The following ASB7 variants were observed in gnomAD, a reference collection of about 807,000 sequenced individuals.
The protein encoded by ASB7 is ankyrin repeat and SOCS box protein 7.
ASB7 carries 4 observed loss-of-function variants against 32.5 expected under a neutral mutation model. That is an observed-to-expected ratio of 0.12 (90% CI 0.06 to 0.28). The LOEUF (loss-of-function observed/expected upper bound fraction) is 0.28. Ranked by LOEUF, ASB7 falls within the 10% of genes least tolerant of loss-of-function variation. ASB7 has a pLI of 1.00. For missense variants in ASB7, 181 were observed against 407.1 expected, an observed-to-expected ratio of 0.44 and a Z score of 4.78; for synonymous variants, 172 against 155.6, an observed-to-expected ratio of 1.11 and a Z score of -0.78.
At chr15:100,624,916 T>G (rs2039824816) in intron 4 of ASB7, among the ~76,000 whole-genome samples, 1 of 152,202 alleles carries the variant, frequency 6.6e-6, no homozygotes, top group South Asian at 2.1e-4. Flanking sequence ...AAAAAAATAT[T>G]ATGCCCAAGT....
chr15:100,647,741 C>T (rs1216924106), intron 5 of ASB7, among the ~76,000 whole-genome samples: 1 of 152,150 alleles, frequency 6.6e-6, no homozygotes, highest in Admixed American at 6.5e-5. Context: ...TGTTCAGAAT[C>T]ACGGAAAACA....
intron 4 of ASB7, among the ~76,000 whole-genome samples, chr15:100,618,203 G>A (rs188853817): frequency 2.0e-3 from 297 of 152,080 alleles, no homozygotes; most frequent in African/African-American, 6.8e-3. Flanking sequence ...TGCAACCTCC[G>A]CCTCCCAGGT....
intron 4 of ASB7, among the ~76,000 whole-genome samples, chr15:100,626,283 T>C (rs2039836179): frequency 6.6e-6 from 1 of 152,146 alleles, no homozygotes; most frequent in South Asian, 2.1e-4. Context: ...GTACAACTCA[T>C]TAATGAGGAG....
intron 4 of ASB7, among the ~76,000 whole-genome samples, chr15:100,626,967 T>C (rs2039844539): frequency 6.6e-6 from 1 of 152,134 alleles, no homozygotes; most frequent in Non-Finnish European, 1.5e-5. Context: ...GAAGGAACTT[T>C]TTGAGATGAT....
intron 5 of ASB7, chr15:100,646,499 A>G (rs1487487286): frequency 4.3e-6 from 2 of 465,600 alleles, no homozygotes; most frequent in Non-Finnish European, 8.8e-6. Flanking sequence ...AGGAAATCAA[A>G]CTCCACATAT....
intron 5 of ASB7, 147 bp downstream of exon 5, chr15:100,630,189 A>G (rs1251502538): frequency 2.4e-6 from 3 of 1,245,728 alleles, no homozygotes; most frequent in African/African-American, 3.1e-5. Context: ...CTTCTGAAAT[A>G]AAAAAAAAAC....
At position 100,612,580 on chromosome 15, in the gene ASB7, C is replaced by G. The variant is rs77833134; in HGVS notation, c.211+153C>G. The G allele has an allele frequency of 3.1e-3, 2,337 of 749,712 alleles. 51 individuals are homozygous for G. In the African/African-American group the frequency reaches 0.037, roughly 12 times the overall value. The allele number at this position is 749,712 out of a possible 1,614,324, so 46.4% of individuals were successfully genotyped here. On this transcript the variant is annotated intron_variant, in intron 4 of 5. Transcript: ENST00000332783. ...TTGTGAAGATTTGCTATAAGTGTGC[C>G]TTTTTGTTTAAAACCAGATTGTTTA...
intron 4 of ASB7, among the ~76,000 whole-genome samples, chr15:100,628,145 C>T (rs1215175676): frequency 1.3e-5 from 2 of 152,184 alleles, no homozygotes; most frequent in Admixed American, 6.5e-5. Context: ...CCATTGTGTA[C>T]TGACACTTTA....
In ASB7 at chr15:100,630,055, A is replaced by ATT; in HGVS notation, c.817+14_817+15dup. ...CAAGAAGTCACAAGTATGTAATATA[A>ATT]TTATTACTTTATTGCATTTTTTAAA... On this transcript the variant is annotated intron_variant, in intron 5 of 5. Coordinates refer to ENST00000332783, the MANE Select transcript of ASB7 (RefSeq NM_198243.3). 1 of 1,545,880 alleles carries ATT rather than the reference A, an allele frequency of 6.5e-7. No individual in the cohort carries two copies. The highest frequency in any genetic ancestry group is 8.7e-7 in the Non-Finnish European group (1 of 1,147,708).
intron 4 of ASB7, among the ~76,000 whole-genome samples, chr15:100,615,961 G>A (rs1450624725): frequency 2.0e-5 from 3 of 152,226 alleles, no homozygotes; most frequent in African/African-American, 7.2e-5. Context: ...GTTACATTAT[G>A]TGAGAGTTTA....
rs149517755 is a variant in ASB7, at chr15:100,648,408, A to G, written c.903A>G (p.Leu301=). Reference sequence around the variant, plus strand: ...AAAACCTAAAGCTACTTGATGAACTACCAATTGCCAAGGTCATGAAAGACT... The same window carrying G: ...AAAACCTAAAGCTACTTGATGAACTGCCAATTGCCAAGGTCATGAAAGACT... ...GLQNLKLLDE[L]PIAKVMKDYL... Residue 301 remains leucine, a synonymous_variant, in exon 6 of 6, where the codon CTA becomes CTG. Transcript: ENST00000332783. The G allele has an allele frequency of 1.9e-6, 3 of 1,609,802 alleles. No homozygotes were observed. Among genetic ancestry groups the G allele is most frequent in the East Asian group, 2.2e-5 (1 of 44,868 alleles).
At chr15:100,615,078 G>A (rs1174538163) in intron 4 of ASB7, among the ~76,000 whole-genome samples, 1 of 152,184 alleles carries the variant, frequency 6.6e-6, no homozygotes, top group Non-Finnish European at 1.5e-5. Context: ...GTAACATGCT[G>A]TACAGGCTTG....
rs147972996 is a variant in ASB7 at position 100,651,317 on chromosome 15, T to A, written c.*2855T>A. ...CTACACAGTAATCCATGCCTGTTAG[T>A]TTGGAGGACTTGACTGTCTCATTTT... On this transcript the variant is annotated 3_prime_UTR_variant, in exon 6 of 6. Transcript: ENST00000332783. 6.6e-6 allele frequency: 1 copy of A among 152,314 alleles called. No individual in the cohort carries two copies. The highest frequency in any genetic ancestry group is 1.5e-5 in the Non-Finnish European group (1 of 68,028). 9.4% of individuals were successfully genotyped at this position (152,314 alleles called of 1,614,324 possible). A position where few individuals can be genotyped will look rare whatever the true frequency, so the allele number is the denominator to read the frequency against.
At chr15:100,622,220 A>AAAAAAGAAAAAAG (rs2039799967) in intron 4 of ASB7, among the ~76,000 whole-genome samples, 1 of 17,982 alleles carries the variant, frequency 5.6e-5, no homozygotes, top group Admixed American at 5.3e-4. Context: ...AAAGAAAAAA[A>AAAAAAGAAAAAAG]ACCCAACAAC....
At chr15:100,638,098 T>C (rs2039936782) in intron 5 of ASB7, among the ~76,000 whole-genome samples, 1 of 152,134 alleles carries the variant, frequency 6.6e-6, no homozygotes, top group Admixed American at 6.5e-5. Context: ...TCTTTGAGCT[T>C]CTCCAATTTT....
intron 4 of ASB7, among the ~76,000 whole-genome samples, chr15:100,619,504 G>T (rs2039772938): frequency 6.6e-6 from 1 of 152,198 alleles, no homozygotes; most frequent in African/African-American, 2.4e-5. Flanking sequence ...TGAGCTTTTG[G>T]CCTGAGGATC....
chr15:100,631,225 T>C (rs2039881053), intron 5 of ASB7, among the ~76,000 whole-genome samples: 1 of 152,232 alleles, frequency 6.6e-6, no homozygotes, highest in Non-Finnish European at 1.5e-5. Context: ...CTCTCCTTGC[T>C]GTCCAGTATA....
chr15:100,628,594 G>A (rs553767189), intron 4 of ASB7, among the ~76,000 whole-genome samples: 5 of 152,174 alleles, frequency 3.3e-5, no homozygotes, highest in Non-Finnish European at 4.4e-5. Flanking sequence ...AGCCAGGGAT[G>A]CCATGGGGTG....
At chr15:100,630,725 C>T (rs560808113) in intron 5 of ASB7, among the ~76,000 whole-genome samples, 22 of 152,214 alleles carry the variant, frequency 1.4e-4, no homozygotes, top group Non-Finnish European at 3.2e-4. Context: ...TGTAGTAACG[C>T]GTGCGTCCTA....
Sources: gnomAD v4.1 joint callset for allele counts (sites outside exome capture counted in the v4.1 genomes callset) on GRCh38, gnomAD v4.1.1 for gene constraint, MANE v1.5 for transcripts, NCBI Gene and HGNC (gene_info 2026-07-23, HGNC 2026-07-21) for gene names.